Variants in MID1 observed in about 807,000 individuals in gnomAD.
MID1 encodes the protein midline 1.
MID1 carries 7 observed loss-of-function variants against 40.4 expected under a neutral mutation model. That is an observed-to-expected ratio of 0.17 (90% CI 0.10 to 0.33). The LOEUF (loss-of-function observed/expected upper bound fraction) is 0.33. Ranked by LOEUF, MID1 falls within the 10% of genes least tolerant of loss-of-function variation. MID1 has a pLI of 1.00. For synonymous variants in MID1, 229 were observed against 221.2 expected, an observed-to-expected ratio of 1.04 and a Z score of -0.31; for missense variants, 367 against 558.5, an observed-to-expected ratio of 0.66 and a Z score of 3.46.
intron 1 of MID1, among the ~76,000 whole-genome samples, chrX:10,717,426 A>C (rs1301522644): frequency 9.1e-6 from 1 of 110,043 alleles, no homozygotes; most frequent in African/African-American, 3.3e-5. Context: ...CTTTAAACCA[A>C]CAAAGATCAA....
chrX:10,550,552 G>A (rs1193567634), intron 2 of MID1, among the ~76,000 whole-genome samples: 1 of 112,075 alleles, frequency 8.9e-6, no homozygotes, highest in East Asian at 2.8e-4. Flanking sequence ...CAGATGGCGG[G>A]AGGGGAGTTC....
intron 1 of MID1, among the ~76,000 whole-genome samples, chrX:10,659,024 C>T (rs745334398): frequency 8.7e-4 from 97 of 111,559 alleles, no homozygotes; most frequent in African/African-American, 2.9e-3. Flanking sequence ...AGTATCTACT[C>T]ATCTCCCTTT....
Position 10,495,711 on chromosome X carries a change from G to GT in MID1, c.757-21dup, listed in dbSNP as rs1408138931. On this transcript the variant is annotated intron_variant, in intron 3 of 9. Coordinates refer to ENST00000317552, the MANE Select transcript of MID1 (RefSeq NM_000381.4). ...ATTGACCTACAGGATAAGTACAATG[G>GT]TAAGTGTTAATTTGGCCTTTGTTTT... The GT allele has an allele frequency of 2.7e-6, 3 of 1,099,909 alleles. No homozygotes were observed. Among genetic ancestry groups the GT allele is most frequent in the East Asian group, 3.0e-5 (1 of 33,314 alleles). 90.6% of individuals were successfully genotyped at this position (1,099,909 alleles called of 1,213,427 possible). A position where few individuals can be genotyped will look rare whatever the true frequency, so the allele number is the denominator to read the frequency against.
At chrX:10,686,465 A>G (rs946425380) in intron 1 of MID1, among the ~76,000 whole-genome samples, 1 of 111,563 alleles carries the variant, frequency 9.0e-6, no homozygotes, top group Non-Finnish European at 1.9e-5. Context: ...TGCCCACAAC[A>G]TGGCCCCCAC....
intron 1 of MID1, among the ~76,000 whole-genome samples, chrX:10,708,204 T>C (rs2147087058): frequency 8.9e-6 from 1 of 112,889 alleles, no homozygotes; most frequent in South Asian, 3.6e-4. Context: ...GTCTGGGCAC[T>C]GTATACCACA....
At chrX:10,750,182 G>A (rs1237895567) in intron 1 of MID1, among the ~76,000 whole-genome samples, 1 of 111,466 alleles carries the variant, frequency 9.0e-6, no homozygotes, top group Admixed American at 9.5e-5. Context: ...ATCTTCTACA[G>A]ATTCAACTAG....
chrX:10,556,338 C>T (rs1045860438), intron 2 of MID1, among the ~76,000 whole-genome samples: 4 of 111,417 alleles, frequency 3.6e-5, no homozygotes, highest in African/African-American at 9.8e-5. Context: ...CCCCTGCCAC[C>T]CGCATCCCCA....
intron 4 of MID1, among the ~76,000 whole-genome samples, chrX:10,493,876 C>T (rs1472768623): frequency 1.8e-5 from 2 of 112,118 alleles, no homozygotes; most frequent in Non-Finnish European, 3.8e-5. Context: ...TGCATGCAAC[C>T]ATGTAAAGAT....
chrX:10,461,109 T>C lies in MID1; in HGVS notation c.1286-1302A>G, dbSNP rs369410488. Among the ~76,000 whole-genome samples the C allele has an allele frequency of 6.8e-3, 714 of 105,346 alleles. 7 individuals carry two copies. The highest frequency in any genetic ancestry group is 0.021 in the African/African-American group (589 of 28,160). 91.5% of individuals were successfully genotyped at this position (105,346 alleles called of 115,157 possible). A position where few individuals can be genotyped will look rare whatever the true frequency, so the allele number is the denominator to read the frequency against. On this transcript the variant is annotated intron_variant, in intron 7 of 9. Transcript: ENST00000317552. ...ATATATATATATATATATGTATGTA[T>C]GTATATATCATCTAAAGATATCTAA...
rs36101583 is a variant in MID1 at position 10,636,886 on chromosome X, C to CTGTGTG, written c.-186-16473_-186-16468dup. On this transcript the variant is annotated intron_variant, in intron 1 of 10. Coordinates refer to the MID1 transcript ENST00000380785. ...TCTGAATATTTTGATTCTTAAAACG[C>CTGTGTG]TGTGTGTGTGTGTGTGTGTGTGTGT... Among the ~76,000 whole-genome samples the CTGTGTG allele has an allele frequency of 4.9e-3, 440 of 89,832 alleles. 5 individuals are homozygous for CTGTGTG. The highest frequency in any genetic ancestry group is 0.017 in the African/African-American group (392 of 23,733). The allele number at this position is 89,832 out of a possible 115,157, so 78.0% of individuals were successfully genotyped here.
intron 1 of MID1, among the ~76,000 whole-genome samples, chrX:10,671,578 C>A (rs2042987528): frequency 9.0e-6 from 1 of 111,443 alleles, no homozygotes; most frequent in South Asian, 3.8e-4. Context: ...GGTCCTAGTG[C>A]AGCATACACA....
At chrX:10,786,118 CA>C (rs1379937931) in intron 1 of MID1, among the ~76,000 whole-genome samples, 1 of 111,461 alleles carries the variant, frequency 9.0e-6, no homozygotes. Context: ...AACAAATTTA[CA>C]AGAAAAAAAC....
At chrX:10,708,160 T>C (rs981260546) in intron 1 of MID1, among the ~76,000 whole-genome samples, 7 of 112,694 alleles carry the variant, frequency 6.2e-5, no homozygotes, top group Admixed American at 1.9e-4. Flanking sequence ...TAGGTTCTGT[T>C]TTTCTGGTAT....
intron 1 of MID1, among the ~76,000 whole-genome samples, chrX:10,770,437 C>T: frequency 8.9e-6 from 1 of 111,733 alleles, no homozygotes; most frequent in Non-Finnish European, 1.9e-5. Flanking sequence ...ACTTTGGACC[C>T]CAAATTGGGC....
At chrX:10,662,756 G>A (rs964812707) in intron 1 of MID1, among the ~76,000 whole-genome samples, 6 of 111,552 alleles carry the variant, frequency 5.4e-5, no homozygotes, top group African/African-American at 2.0e-4. Flanking sequence ...CTACGAGCTT[G>A]CTAGAGGGCA....
At chrX:10,766,737 A>G (rs1401566274) in intron 1 of MID1, among the ~76,000 whole-genome samples, 1 of 109,357 alleles carries the variant, frequency 9.1e-6, no homozygotes, top group Non-Finnish European at 1.9e-5. Context: ...CTGGGCAACA[A>G]GGTGAAACCT....
At chrX:10,807,609 T>C (rs2044057247) in intron 1 of MID1, among the ~76,000 whole-genome samples, 1 of 111,891 alleles carries the variant, frequency 8.9e-6, no homozygotes, top group African/African-American at 3.3e-5. Context: ...TGCTTTTCCA[T>C]CCTTGCACAT....
At chrX:10,810,793 T>C (rs1466993810) in intron 1 of MID1, among the ~76,000 whole-genome samples, 2 of 109,580 alleles carry the variant, frequency 1.8e-5, no homozygotes, top group African/African-American at 3.3e-5. Context: ...AGCCACCCTT[T>C]AAAATGCTTT....
chrX:10,769,182 C>T (rs2043749320), intron 1 of MID1, among the ~76,000 whole-genome samples: 1 of 111,394 alleles, frequency 9.0e-6, no homozygotes, highest in African/African-American at 3.3e-5. Flanking sequence ...CATGATGGCA[C>T]TTTATAACAG....
Sources: gnomAD v4.1 joint callset for allele counts (sites outside exome capture counted in the v4.1 genomes callset) on GRCh38, gnomAD v4.1.1 for gene constraint, MANE v1.5 for transcripts, NCBI Gene and HGNC (gene_info 2026-07-23, HGNC 2026-07-21) for gene names.